NUP153: variants seen among roughly 807,000 people sequenced by gnomAD.
NUP153 encodes the protein nucleoporin 153.
NUP153 carries 27 observed loss-of-function variants against 134.6 expected under a neutral mutation model. The observed-to-expected ratio is 0.20, with a 90% CI of 0.15 to 0.28. The LOEUF (loss-of-function observed/expected upper bound fraction) is 0.28. Ranked by LOEUF, NUP153 falls within the 10% of genes least tolerant of loss-of-function variation. NUP153 has a pLI of 1.00. For synonymous variants in NUP153, 640 were observed against 623.5 expected (o/e 1.03, Z -0.40); for missense variants, 1,821 against 1,731.3 (o/e 1.05, Z -0.92).
intron 1 of NUP153, among the ~76,000 whole-genome samples, chr6:17,700,567 TA>T (rs1769987991): frequency 1.3e-5 from 2 of 152,186 alleles, no homozygotes; most frequent in Non-Finnish European, 2.9e-5. Flanking sequence ...TGGAATGATT[TA>T]AATATTCGAC....
chr6:17,630,596 G>A (rs917878451), intron 17 of NUP153, among the ~76,000 whole-genome samples: 3 of 152,076 alleles, frequency 2.0e-5, no homozygotes, highest in African/African-American at 7.2e-5. Context: ...CCGGGAGGTA[G>A]AAGTTGCAGT....
intron 11 of NUP153, among the ~76,000 whole-genome samples, chr6:17,651,026 A>C (rs1581704931): frequency 2.0e-5 from 3 of 152,188 alleles, no homozygotes; most frequent in Admixed American, 2.0e-4. Context: ...AAATCTAACA[A>C]ATAAATTAAA....
rs762654276 is a variant in NUP153, at chr6:17,616,566, C to A, written c.4304G>T (p.Gly1435Val). 2.5e-6 allele frequency: 4 copies of A among 1,613,800 alleles called. No homozygotes were observed. The highest frequency in any genetic ancestry group is 1.7e-5 in the Admixed American group (1 of 59,936). Residue 1435 changes from glycine to valine, a missense_variant, in exon 21 of 22, where the codon GGC (glycine) becomes GTC (valine). By Grantham distance (109) the Gly-to-Val change is moderately radical (BLOSUM62 -3). Coordinates refer to ENST00000262077, the MANE Select transcript of NUP153 (RefSeq NM_005124.4). ...AASAQPSGSG[G>V]FPFNQSPAAF... ...TGCTGGAGACTGGTTAAATGGAAAG[C>A]CCCCCGAGCCTGAAGGCTGGGCTGA...
At chr6:17,654,247 T>C (rs1176671385) in intron 11 of NUP153, among the ~76,000 whole-genome samples, 1 of 152,124 alleles carries the variant, frequency 6.6e-6, no homozygotes, top group Non-Finnish European at 1.5e-5. Context: ...ATCAACTATA[T>C]AATCTACTCT....
chr6:17,691,371 T>C (rs999498823), intron 1 of NUP153, among the ~76,000 whole-genome samples: 3 of 152,220 alleles, frequency 2.0e-5, no homozygotes, highest in African/African-American at 7.2e-5. Context: ...TATACCTATA[T>C]CCAATATTTA....
chr6:17,644,303 G>A (rs1387637569), intron 14 of NUP153, among the ~76,000 whole-genome samples: 2 of 152,066 alleles, frequency 1.3e-5, no homozygotes, highest in East Asian at 1.9e-4. Context: ...CCTCTAACAT[G>A]CCACTCCAAC....
Position 17,629,174 on chromosome 6 carries a change from C to G in NUP153, c.3025G>C (p.Glu1009Gln), listed in dbSNP as rs932210717. 1 of 1,613,256 alleles carries G rather than the reference C, an allele frequency of 6.2e-7. No individual in the cohort carries two copies. The highest frequency in any genetic ancestry group is 1.3e-5 in the African/African-American group (1 of 74,924). The change falls in exon 18 of 22, where the codon GAA becomes CAA. Residue 1009 changes from glutamate to glutamine, a missense_variant. Physicochemically the swap from Glu to Gln is conservative, Grantham distance 29. Coordinates refer to ENST00000262077, the MANE Select transcript of NUP153 (RefSeq NM_005124.4). ...GATTTGGGCAGTTCCTCTTTCTTTT[C>G]TTCCTGTCCAAGATTAGATACCCCA... ...QFGVSNLGQE[E>Q]KKEELPKSSS... is the part of the protein sequence containing the mutation.
At chr6:17,647,754 A>G (rs999702420) in intron 13 of NUP153, 53 bp downstream of exon 13, 32 of 1,125,098 alleles carry the variant, frequency 2.8e-5, no homozygotes, top group South Asian at 6.5e-5. Flanking sequence ...TGATAAAAAT[A>G]TAACATGGCT....
chr6:17,699,436 T>C (rs1341936862), intron 1 of NUP153, among the ~76,000 whole-genome samples: 2 of 144,722 alleles, frequency 1.4e-5, no homozygotes, highest in East Asian at 2.0e-4. Context: ...TGAGCCGAAA[T>C]CGCACCATTG....
chr6:17,680,414 T>C lies in NUP153; in HGVS notation c.335-4644A>G, dbSNP rs1317687464. 3.3e-5 allele frequency among the ~76,000 whole-genome samples: 5 copies of C among 152,178 alleles called. No homozygotes were observed. Among genetic ancestry groups the C allele is most frequent in the African/African-American group, 9.7e-5 (4 of 41,440 alleles). On this transcript the variant is annotated intron_variant, in intron 2 of 21. Coordinates refer to ENST00000262077, the MANE Select transcript of NUP153 (RefSeq NM_005124.4). This position sits in a 1 kb window ranked among gnomAD's most constrained non-coding sequence, Gnocchi z 4.5. ...AACTGGATATCCACATGAAAAAGAA[T>C]GAACCCTTATCTTGAACCATATACA...
Position 17,637,631 on chromosome 6 carries a change from C to A in NUP153, c.1986G>T (p.Trp662Cys). ...TCTGGAGTAGACATGTATCACACTGCCATGATGACCCAGCTTTTAAACTCT... is the reference window on the plus strand; with the variant it reads ...TCTGGAGTAGACATGTATCACACTGACATGATGACCCAGCTTTTAAACTCT... ...FGESLKAGSSWQCDTCLLQNK... is the reference protein window; with the variant it reads ...FGESLKAGSSCQCDTCLLQNK... The change falls in exon 16 of 22, where the codon TGG (tryptophan) becomes TGT (cysteine). Residue 662 changes from tryptophan to cysteine, a missense_variant. By Grantham distance (215) the Trp-to-Cys change is radical. Coordinates refer to ENST00000262077, the MANE Select transcript of NUP153 (RefSeq NM_005124.4). 6.2e-7 allele frequency: 1 copy of A among 1,613,990 alleles called. No individual in the cohort carries two copies.
At chr6:17,704,482 C>A (rs1014958480) in intron 1 of NUP153, among the ~76,000 whole-genome samples, 30 of 152,172 alleles carry the variant, frequency 2.0e-4, no homozygotes, top group African/African-American at 7.0e-4. Flanking sequence ...TTCCATTCTA[C>A]AGACGGATTA....
chr6:17,672,583 AAC>A (rs530240001), intron 5 of NUP153, among the ~76,000 whole-genome samples: 170 of 152,322 alleles, frequency 1.1e-3, no homozygotes, highest in African/African-American at 3.7e-3. Flanking sequence ...CTCAAACAAA[AAC>A]ACAGAACAAA....
chr6:17,634,895 C>A (rs1010094378), intron 16 of NUP153, among the ~76,000 whole-genome samples: 1 of 151,826 alleles, frequency 6.6e-6, no homozygotes, highest in South Asian at 2.1e-4. Flanking sequence ...CTAGTCCACA[C>A]TGGACAAAAA....
chr6:17,664,224 G>A (rs1223417695), intron 9 of NUP153, among the ~76,000 whole-genome samples: 2 of 152,136 alleles, frequency 1.3e-5, no homozygotes, highest in Non-Finnish European at 2.9e-5. Flanking sequence ...GATTTTCAAA[G>A]GGTGGGAGAG....
At chr6:17,644,030 C>T (rs1346092811) in intron 14 of NUP153, among the ~76,000 whole-genome samples, 2 of 151,790 alleles carry the variant, frequency 1.3e-5, no homozygotes, top group Non-Finnish European at 2.9e-5. Context: ...ATTTCTATTA[C>T]GTAAGGCTGT....
chr6:17,654,425 G>A (rs1205408376), intron 11 of NUP153, among the ~76,000 whole-genome samples: 3 of 151,638 alleles, frequency 2.0e-5, no homozygotes, highest in Admixed American at 1.3e-4. Context: ...GGTTTCAACC[G>A]ATTCTCCTGC....
intron 1 of NUP153, among the ~76,000 whole-genome samples, chr6:17,691,807 A>G (rs1769291655): frequency 6.6e-6 from 1 of 150,974 alleles, no homozygotes; most frequent in Non-Finnish European, 1.5e-5. Flanking sequence ...GGCTAGCTAA[A>G]GCACTATAGC....
At chr6:17,646,976 C>T (rs1221020084) in intron 13 of NUP153, among the ~76,000 whole-genome samples, 2 of 144,794 alleles carry the variant, frequency 1.4e-5, no homozygotes, top group Non-Finnish European at 3.0e-5. Context: ...AGGCTGGTCT[C>T]GAACTCTTGA....
Sources: allele counts gnomAD v4.1 joint callset (sites outside exome capture counted in the v4.1 genomes callset), GRCh38; gene constraint gnomAD v4.1.1; non-coding constraint Gnocchi (gnomAD v3.1); transcripts MANE v1.5; gene names NCBI Gene and HGNC (gene_info 2026-07-23, HGNC 2026-07-21).